The following LTBP2 variants were observed in gnomAD, a reference collection of about 807,000 sequenced individuals.
LTBP2 encodes latent transforming growth factor beta binding protein 2, also known as latent-transforming growth factor beta-binding protein 2.
A neutral mutation model predicts 210.6 loss-of-function variants in LTBP2; 103 were observed. That is an observed-to-expected ratio of 0.49 (90% CI 0.42 to 0.58). The LOEUF is 0.58. Ranked by LOEUF, LTBP2 falls within the 20% of genes least tolerant of loss-of-function variation. LTBP2 has a pLI of 0.00. For synonymous variants in LTBP2, 1,007 were observed against 1,015.0 expected (o/e 0.99, Z 0.15); for missense variants, 2,313 against 2,494.5 (o/e 0.93, Z 1.55).
At position 74,521,993 on chromosome 14, in the gene LTBP2, G is replaced by T; in HGVS notation, c.2706C>A (p.Cys902Ter). ...AGGAGTAGGACCCCACGCGGTTGAT[G>T]CAGCGCCCTTTTCCCTTGCAGGGGT... ...LRDPCKGKGR[C>*]INRVGSYSCF... Residue 902 changes from cysteine to a stop codon, truncating the protein, a stop_gained, in exon 17 of 36, where the codon TGC (cysteine) becomes TGA (stop). Transcript: ENST00000261978. LOFTEE classifies it high-confidence loss of function. 6.2e-7 allele frequency: 1 copy of T among 1,614,106 alleles called. No individual in the cohort carries two copies. Among genetic ancestry groups the T allele is most frequent in the Non-Finnish European group, 8.5e-7 (1 of 1,179,986 alleles).
intron 33 of LTBP2, 133 bp downstream of exon 33, chr14:74,503,086 C>T: frequency 3.3e-6 from 5 of 1,498,320 alleles, no homozygotes; most frequent in Non-Finnish European, 4.6e-6. Context: ...CTACTTTGTC[C>T]CCAAACAGCA....
At chr14:74,566,105 C>T (rs1331312918) in intron 3 of LTBP2, among the ~76,000 whole-genome samples, 2 of 151,856 alleles carry the variant, frequency 1.3e-5, no homozygotes, top group East Asian at 1.9e-4. Flanking sequence ...CATACATAGA[C>T]AATCGTCATA....
chr14:74,549,125 G>A (rs2087615298), intron 8 of LTBP2, among the ~76,000 whole-genome samples: 1 of 152,224 alleles, frequency 6.6e-6, no homozygotes, highest in African/African-American at 2.4e-5. Flanking sequence ...CTCAGGCCCA[G>A]GCCCAGAAAG....
At chr14:74,580,968 T>C (rs1195283457) in intron 3 of LTBP2, among the ~76,000 whole-genome samples, 2 of 151,814 alleles carry the variant, frequency 1.3e-5, no homozygotes, top group East Asian at 1.9e-4. Flanking sequence ...AAAATAATAA[T>C]AATAATTCCA....
intron 2 of LTBP2, among the ~76,000 whole-genome samples, chr14:74,600,427 C>T (rs769222380): frequency 3.3e-5 from 5 of 152,042 alleles, no homozygotes; most frequent in African/African-American, 4.8e-5. Context: ...AGCATCCTGG[C>T]GCAGCACCCA....
intron 18 of LTBP2, among the ~76,000 whole-genome samples, chr14:74,514,577 C>A (rs1202930661): frequency 6.6e-6 from 1 of 152,138 alleles, no homozygotes; most frequent in Non-Finnish European, 1.5e-5. Flanking sequence ...AGGGAAGGCA[C>A]TCAGGCAGGG....
rs768804676 is a variant in LTBP2, at chr14:74,516,859, A to G, written c.2871T>C (p.Asp957=). 1.2e-4 allele frequency: 189 copies of G among 1,551,716 alleles called. No individual in the cohort carries two copies. The highest frequency in any genetic ancestry group is 1.6e-4 in the Non-Finnish European group (187 of 1,147,068). The change falls in exon 18 of 36, where the codon GAT becomes GAC. Residue 957 remains aspartate (D), a synonymous_variant. Transcript: ENST00000261978. Reference sequence around the variant, plus strand: ...CTTTCCTGACCATGATGTAGCCCTGATCACACTCGCAGTGGTACGAGCCCT... The same window carrying G: ...CTTTCCTGACCATGATGTAGCCCTGGTCACACTCGCAGTGGTACGAGCCCT... The part of the protein sequence containing the change: ...NTEGSYHCEC[D]QGYIMVRKGH...
rs2139788592 is a variant in LTBP2 at position 74,586,246 on chromosome 14, C to T, written c.566-128G>A. 9.1e-7 allele frequency: 1 copy of T among 1,099,234 alleles called. No homozygotes were observed. The highest frequency in any genetic ancestry group is 1.3e-6 in the Non-Finnish European group (1 of 773,548). The allele number at this position is 1,099,234 out of a possible 1,614,324, so 68.1% of individuals were successfully genotyped here. On this transcript the variant is annotated intron_variant, in intron 2 of 35. Coordinates refer to ENST00000261978, the MANE Select transcript of LTBP2 (RefSeq NM_000428.3). The surrounding 1 kb of genome is among the most constrained non-coding windows in gnomAD (Gnocchi z 4.6). ...TGTCGCTCAAGCAGGAAGCCACTCT[C>T]CTGGCCTCAGGGGGCTCCCTGACCC...
At chr14:74,603,550 A>C (rs1212790337) in intron 2 of LTBP2, 85 bp downstream of exon 2, 2 of 1,412,526 alleles carry the variant, frequency 1.4e-6, no homozygotes, top group Admixed American at 1.7e-5. Flanking sequence ...GGAGTACCTA[A>C]GCTTGACCTG....
intron 8 of LTBP2, among the ~76,000 whole-genome samples, chr14:74,541,127 C>T (rs1447344592): frequency 2.0e-5 from 3 of 151,208 alleles, no homozygotes; most frequent in Non-Finnish European, 4.4e-5. Context: ...GCTCCCAATA[C>T]ATACAGCCCT....
Position 74,510,193 on chromosome 14 carries a change from G to A in LTBP2, c.3049C>T (p.Pro1017Ser). 6.2e-7 allele frequency: 1 copy of A among 1,613,888 alleles called. No homozygotes were observed. Among genetic ancestry groups the A allele is most frequent in the Non-Finnish European group, 8.5e-7 (1 of 1,180,018 alleles). The change falls in exon 20 of 36, where the codon CCC becomes TCC. Residue 1017 changes from proline (P) to serine (S), a missense_variant. Coordinates refer to ENST00000261978, the MANE Select transcript of LTBP2 (RefSeq NM_000428.3). Reference sequence around the variant, plus strand: ...CACTTTCCATGGGCACAGACCCCGGGAGTCAGACACTCATTCACATCTGTG... The same window carrying A: ...CACTTTCCATGGGCACAGACCCCGGAAGTCAGACACTCATTCACATCTGTG... ...SCVDVNECLT[P>S]GVCAHGKCTN... is the part of the protein sequence containing the mutation.
chr14:74,592,531 C>CA (rs1202679440), intron 2 of LTBP2, among the ~76,000 whole-genome samples: 6 of 151,630 alleles, frequency 4.0e-5, no homozygotes, highest in African/African-American at 9.7e-5. Context: ...CCCATCTCTA[C>CA]AAAAAAAACT....
At chr14:74,517,090 T>C (rs1198483672) in intron 17 of LTBP2, 149 bp from the exon 18 acceptor site, 1 of 1,021,248 alleles carries the variant, frequency 9.8e-7, no homozygotes, top group African/African-American at 1.6e-5. Flanking sequence ...GCAGCCACAA[T>C]TGCCTGGAGG....
chr14:74,610,631 C>T (rs2139814541), intron 1 of LTBP2, among the ~76,000 whole-genome samples: 1 of 152,352 alleles, frequency 6.6e-6, no homozygotes, highest in Non-Finnish European at 1.5e-5. Flanking sequence ...GTGCCCGCAG[C>T]CATGATGATC....
chr14:74,528,882 C>T, intron 11 of LTBP2, 76 bp downstream of exon 11: 1 of 1,573,632 alleles, frequency 6.4e-7, no homozygotes, highest in Non-Finnish European at 8.6e-7. Flanking sequence ...TGAGGGAAGT[C>T]TACCCAGGCC....
Position 74,555,696 on chromosome 14 carries a change from G to A in LTBP2, c.831-3C>T, listed in dbSNP as rs929384433. The A allele has an allele frequency of 1.3e-6, 2 of 1,520,698 alleles. No homozygotes were observed. The highest frequency in any genetic ancestry group is 1.3e-5 in the South Asian group (1 of 76,034). 94.2% of individuals were successfully genotyped at this position (1,520,698 alleles called of 1,614,324 possible). On this transcript the variant is annotated splice_polypyrimidine_tract_variant and splice_region_variant and intron_variant, in intron 3 of 35. Coordinates refer to ENST00000261978, the MANE Select transcript of LTBP2 (RefSeq NM_000428.3). ...TCTGGCTGAGGCCACTCAGGGTCCTGTGGAGACAACCGCGGCACGGGGGTT... is the reference window on the plus strand; with the variant it reads ...TCTGGCTGAGGCCACTCAGGGTCCTATGGAGACAACCGCGGCACGGGGGTT...
At chr14:74,520,316 G>C (rs1408947801) in intron 17 of LTBP2, among the ~76,000 whole-genome samples, 2 of 151,450 alleles carry the variant, frequency 1.3e-5, no homozygotes, top group African/African-American at 4.9e-5. Flanking sequence ...TGGAGCTAGA[G>C]TGATTTGATT....
rs541346467 is a variant in LTBP2 at position 74,603,797 on chromosome 14, G to A, written c.495-92C>T. 43 of 1,031,640 alleles carry A rather than the reference G, an allele frequency of 4.2e-5. No homozygotes were observed. In the African/African-American group the frequency reaches 6.1e-4, roughly 15 times the overall value. The allele number at this position is 1,031,640 out of a possible 1,614,324, so 63.9% of individuals were successfully genotyped here. The stretch of plus-strand genomic sequence containing the variant: ...CGACAGTCCCACCTTCTAGAGGCAG[G>A]GCCTGGAGGAACATGGAGAGGCTGG... On this transcript the variant is annotated intron_variant, in intron 1 of 35. Transcript: ENST00000261978.
intron 8 of LTBP2, among the ~76,000 whole-genome samples, chr14:74,540,793 AT>A (rs1475129776): frequency 5.5e-5 from 1 of 18,186 alleles, no homozygotes; most frequent in African/African-American, 7.7e-5. Flanking sequence ...TTATATATAT[AT>A]TTATATATAT....
Sources: allele counts gnomAD v4.1 joint callset (sites outside exome capture counted in the v4.1 genomes callset), GRCh38; gene constraint gnomAD v4.1.1; non-coding constraint Gnocchi (gnomAD v3.1); transcripts MANE v1.5; gene names NCBI Gene and HGNC (gene_info 2026-07-23, HGNC 2026-07-21).